MLIP: variants seen among roughly 807,000 people sequenced by gnomAD.
The protein encoded by MLIP is muscular LMNA interacting protein, also known as muscular LMNA-interacting protein.
In MLIP, 79 loss-of-function variants were observed where a neutral mutation model predicts 84.8. That is an observed-to-expected ratio of 0.93 (90% confidence interval 0.78 to 1.12). The LOEUF is 1.12. Ranked by LOEUF, MLIP falls within the 50% of genes most tolerant of loss-of-function variation. The pLI is 0.00. For missense variants in MLIP, 1,257 were observed against 1,160.6 expected (o/e 1.08, Z -1.21); for synonymous variants, 504 against 463.0 (o/e 1.09, Z -1.14).
intron 1 of MLIP, among the ~76,000 whole-genome samples, chr6:54,111,887 G>A (rs939620549): frequency 6.6e-6 from 1 of 152,162 alleles, no homozygotes; most frequent in African/African-American, 2.4e-5. Flanking sequence ...AGAACTTTTA[G>A]GGAAATATAA....
At chr6:54,232,282 C>T (rs114537639) in intron 12 of MLIP, among the ~76,000 whole-genome samples, 30 of 152,084 alleles carry the variant, frequency 2.0e-4, no homozygotes, top group East Asian at 5.8e-4. Flanking sequence ...TACAGATATC[C>T]GTTACATGAT....
At chr6:54,146,488 A>G (rs1772849480) in intron 4 of MLIP, among the ~76,000 whole-genome samples, 1 of 152,212 alleles carries the variant, frequency 6.6e-6, no homozygotes. Flanking sequence ...TCTTGGCATG[A>G]GCCATGATTT....
At chr6:54,083,074 T>C (rs1157994557) in intron 1 of MLIP, among the ~76,000 whole-genome samples, 1 of 152,180 alleles carries the variant, frequency 6.6e-6, no homozygotes, top group Middle Eastern at 3.2e-3. Flanking sequence ...CAAAACTGTC[T>C]GAATTAATTT....
At chr6:54,019,456 A>G (rs1763378418) in intron 1 of MLIP, among the ~76,000 whole-genome samples, 1 of 152,188 alleles carries the variant, frequency 6.6e-6, no homozygotes, top group Admixed American at 6.5e-5. Flanking sequence ...CAGAGATACC[A>G]GGAATATATG....
chr6:54,046,580 C>T (rs1765067102), intron 1 of MLIP: 1 of 152,194 alleles, frequency 6.6e-6, no homozygotes, highest in Admixed American at 6.5e-5. Flanking sequence ...CTGTTCCCTA[C>T]ATCATTTAAA....
At chr6:54,058,608 T>C (rs775280419) in intron 1 of MLIP, among the ~76,000 whole-genome samples, 2 of 152,216 alleles carry the variant, frequency 1.3e-5, no homozygotes, top group African/African-American at 2.4e-5. Context: ...ACACAGACCA[T>C]TTAATTCAAG....
intron 1 of MLIP, among the ~76,000 whole-genome samples, chr6:54,044,098 AAC>A (rs1764897405): frequency 2.6e-5 from 4 of 152,224 alleles, no homozygotes; most frequent in Admixed American, 1.3e-4. Context: ...TTTTAAAAAG[AAC>A]ACTTATCATT....
intron 12 of MLIP, among the ~76,000 whole-genome samples, chr6:54,233,792 A>G (rs1054749493): frequency 6.6e-6 from 1 of 152,116 alleles, no homozygotes; most frequent in Non-Finnish European, 1.5e-5. Context: ...ACAATTGTTG[A>G]ACTAATTTAC....
intron 11 of MLIP, among the ~76,000 whole-genome samples, chr6:54,208,525 GC>G (rs1779199241): frequency 6.6e-6 from 1 of 152,212 alleles, no homozygotes; most frequent in Non-Finnish European, 1.5e-5. Flanking sequence ...ATTCGAGGTG[GC>G]AGTGATCTAT....
upstream of MLIP, among the ~76,000 whole-genome samples, chr6:54,107,408 A>G (rs1232583794): frequency 2.0e-5 from 3 of 152,194 alleles, no homozygotes; most frequent in Non-Finnish European, 4.4e-5. Context: ...AGATGTCAGG[A>G]TTCACTTTAA....
chr6:54,039,726 A>C (rs1044464566), intron 1 of MLIP, among the ~76,000 whole-genome samples: 2 of 151,882 alleles, frequency 1.3e-5, no homozygotes. Context: ...TAATCTGTAA[A>C]ATGAAGTTGA....
intron 1 of MLIP, among the ~76,000 whole-genome samples, chr6:54,065,505 A>T (rs1766189448): frequency 2.0e-5 from 2 of 101,040 alleles, no homozygotes; most frequent in African/African-American, 5.1e-5. Context: ...AAAAGTCTTA[A>T]ACAACAGCAG....
chr6:54,184,860 C>T (rs369610834), intron 9 of MLIP, among the ~76,000 whole-genome samples: 6 of 152,120 alleles, frequency 3.9e-5, no homozygotes, highest in East Asian at 1.9e-4. Flanking sequence ...ATATGGATTA[C>T]GAATTTTTAT....
chr6:54,189,596 T>C (rs1222835971), intron 9 of MLIP, among the ~76,000 whole-genome samples: 1 of 152,194 alleles, frequency 6.6e-6, no homozygotes, highest in Non-Finnish European at 1.5e-5. Flanking sequence ...ATAATGCTTA[T>C]GTTAAGAAAA....
At chr6:54,133,547 T>C (rs1771561372) in intron 3 of MLIP, among the ~76,000 whole-genome samples, 2 of 152,204 alleles carry the variant, frequency 1.3e-5, no homozygotes, top group Admixed American at 6.5e-5. Flanking sequence ...AGATACTAGG[T>C]AGCAGATCAG....
chr6:54,030,203 A>G (rs954108236), intron 1 of MLIP, among the ~76,000 whole-genome samples: 50 of 152,164 alleles, frequency 3.3e-4, no homozygotes, highest in Non-Finnish European at 1.9e-4. Context: ...GTGAAGTGAC[A>G]AAGTTTCAAA....
At chr6:54,176,582 C>T (rs1056444500) in intron 9 of MLIP, among the ~76,000 whole-genome samples, 1 of 151,714 alleles carries the variant, frequency 6.6e-6, no homozygotes, top group African/African-American at 2.4e-5. Context: ...TTATTCCATG[C>T]TCCTGCATAG....
chr6:54,232,155 A>C (rs1781049362), intron 12 of MLIP, among the ~76,000 whole-genome samples: 1 of 152,008 alleles, frequency 6.6e-6, no homozygotes, highest in Non-Finnish European at 1.5e-5. Context: ...ATTCTTTCTG[A>C]TTTAATATTT....
rs139014184 is a variant in MLIP, at chr6:54,233,177, C to A, written c.2922+2260C>A. Among the ~76,000 whole-genome samples the A allele has an allele frequency of 4.5e-3, 684 of 152,016 alleles. 8 individuals carry two copies. Among genetic ancestry groups the A allele is most frequent in the African/African-American group, 0.016 (649 of 41,466 alleles). On this transcript the variant is annotated intron_variant, in intron 12 of 13. Transcript: ENST00000502396. ...GAAGTCATTCCTTTTACTTTCTTTT[C>A]TTTTTTTTGTTTTAATTATACTTTA...
Sources: gnomAD v4.1 joint callset for allele counts (sites outside exome capture counted in the v4.1 genomes callset) on GRCh38, gnomAD v4.1.1 for gene constraint, MANE v1.5 for transcripts, NCBI Gene and HGNC (gene_info 2026-07-23, HGNC 2026-07-21) for gene names.